Variants in TRPC7 observed in about 807,000 individuals in gnomAD.
TRPC7 encodes short transient receptor potential channel 7.
In TRPC7, 42 loss-of-function variants were observed where a neutral mutation model predicts 90.1. That is an observed-to-expected ratio of 0.47 (90% CI 0.36 to 0.60). The LOEUF is 0.60. Ranked by LOEUF, TRPC7 falls within the 20% of genes least tolerant of loss-of-function variation. TRPC7 has a pLI of 0.00. For synonymous variants in TRPC7, 451 were observed against 436.3 expected (o/e 1.03, Z -0.42); for missense variants, 955 against 1,112.3 (o/e 0.86, Z 2.01).
Position 136,357,068 on chromosome 5 carries a change from C to G in TRPC7, c.320G>C (p.Gly107Ala). Residue 107 changes from glycine to alanine, a missense_variant, in exon 2 of 12, where the codon GGG (glycine) becomes GCG (alanine). Gly to Ala is a moderately conservative substitution (Grantham distance 60, BLOSUM62 0). Transcript: ENST00000513104. ...GCTGATGGCCAGCAGCAGCGCGTCCCCCACCCGTGCCAGGTTCTCCTTCTT... is the reference window on the plus strand; with the variant it reads ...GCTGATGGCCAGCAGCAGCGCGTCCGCCACCCGTGCCAGGTTCTCCTTCTT... ...LLKKENLARVGDALLLAISKG... is the reference protein window; with the variant it reads ...LLKKENLARVADALLLAISKG... The G allele has an allele frequency of 6.2e-7, 1 of 1,613,880 alleles. No homozygotes were observed. Among genetic ancestry groups the G allele is most frequent in the South Asian group, 1.1e-5 (1 of 91,088 alleles).
intron 3 of TRPC7, among the ~76,000 whole-genome samples, chr5:136,305,845 A>G (rs571422499): frequency 1.0e-3 from 157 of 152,162 alleles, no homozygotes; most frequent in African/African-American, 3.6e-3. Flanking sequence ...TTAAAAACAC[A>G]CCTCACCAAG....
chr5:136,357,916 G>C (rs529795329), intron 1 of TRPC7, among the ~76,000 whole-genome samples: 1 of 152,286 alleles, frequency 6.6e-6, no homozygotes, highest in African/African-American at 2.4e-5. Flanking sequence ...TTTATGCCCA[G>C]CTCTCCAAGG....
At chr5:136,262,337 G>T (rs774388541) in intron 5 of TRPC7, among the ~76,000 whole-genome samples, 1 of 152,196 alleles carries the variant, frequency 6.6e-6, no homozygotes, top group African/African-American at 2.4e-5. Flanking sequence ...TCTCTTTGCT[G>T]TTCCTTGAAC....
Position 136,225,117 on chromosome 5 carries a change from A to G in TRPC7, c.2343+157T>C, listed in dbSNP as rs1275257913. 2.0e-5 allele frequency among the ~76,000 whole-genome samples: 3 copies of G among 152,198 alleles called. No individual in the cohort carries two copies. The East Asian group carries it at 5.8e-4, about 29-fold the overall frequency. On this transcript the variant is annotated intron_variant, in intron 10 of 11. Transcript: ENST00000513104. ...TATCTGTATCCCCAGGAAGTAGCACAGTGCCTGACATATAGTAAGTACTCA... is the reference window on the plus strand; with the variant it reads ...TATCTGTATCCCCAGGAAGTAGCACGGTGCCTGACATATAGTAAGTACTCA...
At chr5:136,274,640 C>T in intron 4 of TRPC7, 33 bp downstream of exon 4, 1 of 1,553,526 alleles carries the variant, frequency 6.4e-7, no homozygotes. Context: ...GAAGAAATAA[C>T]CGCAAACGAC....
chr5:136,344,793 T>C (rs950714), intron 2 of TRPC7, among the ~76,000 whole-genome samples: 30,402 of 152,096 alleles, frequency 0.2, 4,353 homozygotes, highest in African/African-American at 0.4. Context: ...TAACAACAAG[T>C]GAGAGGCAGC....
intron 3 of TRPC7, among the ~76,000 whole-genome samples, chr5:136,301,659 C>CA (rs1758394646): frequency 6.6e-6 from 1 of 152,148 alleles, no homozygotes; most frequent in Non-Finnish European, 1.5e-5. Flanking sequence ...CCCCTGCCCG[C>CA]AAAACATTGC....
chr5:136,315,401 G>A lies in TRPC7; in HGVS notation c.963+196C>T, dbSNP rs565319210. ...CTGCTCTCTCTCCTGGTGGGCTGGG[G>A]GCTGAGGTGGGAAGGGATGGTGGAG... On this transcript the variant is annotated intron_variant, in intron 3 of 11. Coordinates refer to ENST00000513104, the MANE Select transcript of TRPC7 (RefSeq NM_020389.3). Among the ~76,000 whole-genome samples, 249 of 152,262 alleles carry A rather than the reference G, an allele frequency of 1.6e-3. 4 individuals are homozygous for A. Among genetic ancestry groups the A allele is most frequent in the Non-Finnish European group, 4.3e-4 (29 of 68,020 alleles).
intron 2 of TRPC7, among the ~76,000 whole-genome samples, chr5:136,320,499 T>C (rs1035237501): frequency 1.1e-4 from 16 of 152,292 alleles, no homozygotes; most frequent in African/African-American, 3.4e-4. Context: ...CGTCAGTCAC[T>C]GATCTCTGGG....
intron 2 of TRPC7, among the ~76,000 whole-genome samples, chr5:136,342,865 A>G (rs1418861690): frequency 6.6e-6 from 1 of 152,240 alleles, no homozygotes; most frequent in African/African-American, 2.4e-5. Flanking sequence ...GTCACAAAAC[A>G]AAGTCCTATG....
chr5:136,273,597 G>A (rs1456414917), intron 4 of TRPC7, among the ~76,000 whole-genome samples: 1 of 152,114 alleles, frequency 6.6e-6, no homozygotes, highest in Non-Finnish European at 1.5e-5. Context: ...AAGTCTCGCA[G>A]CTGTCATTCT....
At chr5:136,278,625 C>T (rs541581040) in intron 3 of TRPC7, among the ~76,000 whole-genome samples, 1 of 152,184 alleles carries the variant, frequency 6.6e-6, no homozygotes, top group South Asian at 2.1e-4. Flanking sequence ...AGAGATGGAC[C>T]AGGAAAAAAT....
intron 1 of TRPC7, among the ~76,000 whole-genome samples, chr5:136,363,096 C>G (rs1437934114): frequency 1.3e-5 from 2 of 152,092 alleles, no homozygotes; most frequent in African/African-American, 4.8e-5. Context: ...TAAGTAAAAT[C>G]AGTTTCTAAT....
chr5:136,302,459 C>T (rs368363538), intron 3 of TRPC7, among the ~76,000 whole-genome samples: 9 of 152,134 alleles, frequency 5.9e-5, no homozygotes, highest in East Asian at 3.9e-4. Context: ...TTCCATGCCC[C>T]GACCCCTTTC....
At chr5:136,237,253 G>C (rs1756011709) in intron 7 of TRPC7, among the ~76,000 whole-genome samples, 2 of 152,198 alleles carry the variant, frequency 1.3e-5, no homozygotes, top group African/African-American at 4.8e-5. Flanking sequence ...CAGTCTAGAA[G>C]TAGAAGAGTC....
At chr5:136,327,132 C>T (rs1415095678) in intron 2 of TRPC7, among the ~76,000 whole-genome samples, 4 of 152,098 alleles carry the variant, frequency 2.6e-5, no homozygotes, top group African/African-American at 9.7e-5. Context: ...AAAACTGAGC[C>T]AGCGTGTTGG....
chr5:136,213,207 C>A lies in TRPC7; in HGVS notation c.*228G>T, dbSNP rs559149753. On this transcript the variant is annotated 3_prime_UTR_variant, in exon 12 of 12. Transcript: ENST00000513104. Reference sequence around the variant, plus strand: ...CTCGTCAGGGGGCTGTTCCTCCCCTCCTCCCATGGTAGCTTTTCTTACCCA... The same window carrying A: ...CTCGTCAGGGGGCTGTTCCTCCCCTACTCCCATGGTAGCTTTTCTTACCCA... 13 of 542,226 alleles carry A rather than the reference C, an allele frequency of 2.4e-5. No individual in the cohort carries two copies. The highest frequency in any genetic ancestry group is 4.3e-5 in the Non-Finnish European group (13 of 304,406). The allele number at this position is 542,226 out of a possible 1,614,324, so 33.6% of individuals were successfully genotyped here.
intron 2 of TRPC7, among the ~76,000 whole-genome samples, chr5:136,336,537 T>A (rs890819528): frequency 6.6e-6 from 1 of 151,996 alleles, no homozygotes; most frequent in African/African-American, 2.4e-5. Context: ...TACTTTAAGT[T>A]CTAGGATACA....
intron 5 of TRPC7, among the ~76,000 whole-genome samples, chr5:136,265,021 G>A (rs982967616): frequency 3.9e-5 from 6 of 152,010 alleles, no homozygotes; most frequent in South Asian, 2.1e-4. Flanking sequence ...TTTCCAATTG[G>A]TCTCAGCTTA....
Sources: gnomAD v4.1 joint callset for allele counts (sites outside exome capture counted in the v4.1 genomes callset) on GRCh38, gnomAD v4.1.1 for gene constraint, MANE v1.5 for transcripts, NCBI Gene and HGNC (gene_info 2026-07-23, HGNC 2026-07-21) for gene names.